Variants in FAM184B observed in about 807,000 individuals in gnomAD.
FAM184B encodes the protein protein FAM184B.
A neutral mutation model predicts 135.9 loss-of-function variants in FAM184B; 111 were observed. That is an observed-to-expected ratio of 0.82 (90% confidence interval 0.70 to 0.96). The LOEUF (loss-of-function observed/expected upper bound fraction) is 0.96, where lower values mean the gene tolerates loss of function less well. Ranked by LOEUF, FAM184B falls within the 40% of genes least tolerant of loss-of-function variation. The probability of loss-of-function intolerance (pLI) is 0.00; values close to 1 mark genes in which losing one functional copy is unlikely to be tolerated. For missense variants in FAM184B, 1,375 were observed against 1,323.9 expected (o/e 1.04, Z -0.60); for synonymous variants, 552 against 524.8 (o/e 1.05, Z -0.71).
chr4:17,735,715 C>T (rs2108980504), intron 1 of FAM184B, among the ~76,000 whole-genome samples: 1 of 151,272 alleles, frequency 6.6e-6, no homozygotes, highest in Admixed American at 6.6e-5. Flanking sequence ...GGTGTTCCGG[C>T]TCCTGAGAGG....
intron 13 of FAM184B, 82 bp downstream of exon 13, chr4:17,641,974 C>G: frequency 6.9e-7 from 1 of 1,448,670 alleles, no homozygotes; most frequent in Non-Finnish European, 9.0e-7. Context: ...GTCTCAGGCT[C>G]AGCCAGCCGC....
intron 1 of FAM184B, among the ~76,000 whole-genome samples, chr4:17,733,110 G>GA (rs1247406851): frequency 6.6e-6 from 1 of 152,056 alleles, no homozygotes; most frequent in Non-Finnish European, 1.5e-5. Flanking sequence ...AATAGATGCA[G>GA]AAAAGGCCTT....
Position 17,694,351 on chromosome 4 carries a change from G to A in FAM184B, c.1378-939C>T, listed in dbSNP as rs532278608. On this transcript the variant is annotated intron_variant, in intron 5 of 17. Coordinates refer to ENST00000265018, the MANE Select transcript of FAM184B (RefSeq NM_015688.2). The stretch of plus-strand genomic sequence containing the variant: ...ATCCTGGCTAACACAGTGAAACCCC[G>A]TCTCCACTAAAAATACAAAAAACTA... Among the ~76,000 whole-genome samples, 15 of 152,134 alleles carry A rather than the reference G, an allele frequency of 9.9e-5. No homozygotes were observed. In the East Asian group the frequency reaches 1.7e-3, roughly 18 times the overall value.
intron 1 of FAM184B, among the ~76,000 whole-genome samples, chr4:17,748,978 C>A (rs915080715): frequency 6.7e-5 from 10 of 149,928 alleles, no homozygotes; most frequent in African/African-American, 2.2e-4. Context: ...AGGTGCTTGC[C>A]AGCACACCCA....
Position 17,713,787 on chromosome 4 carries a change from C to T in FAM184B, c.142-4143G>A, listed in dbSNP as rs1266835374. Among the ~76,000 whole-genome samples the T allele has an allele frequency of 2.0e-5, 3 of 152,226 alleles. 1 individual carries two copies. Among genetic ancestry groups the T allele is most frequent in the South Asian group, 4.1e-4 (2 of 4,832 alleles). On this transcript the variant is annotated intron_variant, in intron 1 of 17. Coordinates refer to ENST00000265018, the MANE Select transcript of FAM184B (RefSeq NM_015688.2). ...TCATTCGCGGATTCACTGCACATCT[C>T]GGATGTGGCAGGCTCTGTGCTGGGC...
chr4:17,708,716 G>A (rs866661672), intron 2 of FAM184B, among the ~76,000 whole-genome samples, 176 bp downstream of exon 2: 7 of 84,982 alleles, frequency 8.2e-5, no homozygotes, highest in African/African-American at 3.2e-4. Context: ...TATAGTGTCT[G>A]TGTGTGTGTG....
At chr4:17,767,560 T>C (rs1284053403) in intron 1 of FAM184B, among the ~76,000 whole-genome samples, 1 of 152,212 alleles carries the variant, frequency 6.6e-6, no homozygotes, top group African/African-American at 2.4e-5. Context: ...ACGTGTGTTT[T>C]AGATTTTCAT....
chr4:17,753,485 C>T (rs1005637866), intron 1 of FAM184B, among the ~76,000 whole-genome samples: 7 of 152,214 alleles, frequency 4.6e-5, no homozygotes, highest in Non-Finnish European at 1.0e-4. Context: ...TTCCCACACA[C>T]TTAAATCAGT....
chr4:17,705,348 A>T lies in FAM184B; in HGVS notation c.1171-142T>A. 4 of 693,504 alleles carry T rather than the reference A, an allele frequency of 5.8e-6. No individual in the cohort carries two copies. The South Asian group carries it at 7.8e-5, about 14-fold the overall frequency. The allele number at this position is 693,504 out of a possible 1,614,324, so 43.0% of individuals were successfully genotyped here. A position where few individuals can be genotyped will look rare whatever the true frequency, so the allele number is the denominator to read the frequency against. ...CACAAGGTGCAATCAATTTTACAAG[A>T]CTATATATTTGATGTTAGTAAAAGT... On this transcript the variant is annotated intron_variant, in intron 4 of 17. Coordinates refer to ENST00000265018, the MANE Select transcript of FAM184B (RefSeq NM_015688.2).
chr4:17,692,347 C>A (rs562991955), intron 6 of FAM184B, among the ~76,000 whole-genome samples: 1 of 152,252 alleles, frequency 6.6e-6, no homozygotes, highest in Non-Finnish European at 1.5e-5. Context: ...TTCACCAAGA[C>A]CCACCTCTAG....
At chr4:17,703,726 A>G (rs1471022644) in intron 5 of FAM184B, among the ~76,000 whole-genome samples, 3 of 152,062 alleles carry the variant, frequency 2.0e-5, no homozygotes, top group African/African-American at 4.8e-5. Flanking sequence ...AGGTCAAGAG[A>G]TCTAGACCAA....
rs373439076 is a variant in FAM184B at position 17,636,588 on chromosome 4, C to G, written c.2724G>C (p.Gln908His). Residue 908 changes from glutamine (Q) to histidine (H), a missense_variant, in exon 15 of 18, where the codon CAG (glutamine) becomes CAC (histidine). Gln to His is a conservative substitution (Grantham distance 24). Coordinates refer to ENST00000265018, the MANE Select transcript of FAM184B (RefSeq NM_015688.2). ...GGCGGGTCTGCAGGCGGCCAATGAG[C>G]TGAAGGTCCTCGGGCCTGGACGCTC... ...GKGASRPEDL[Q>H]LIGRLQTRLK... 2.6e-6 allele frequency: 4 copies of G among 1,551,204 alleles called. No homozygotes were observed. The highest frequency in any genetic ancestry group is 2.6e-6 in the Non-Finnish European group (3 of 1,146,958).
intron 15 of FAM184B, among the ~76,000 whole-genome samples, chr4:17,635,680 A>AC (rs1715103705): frequency 6.6e-6 from 1 of 152,000 alleles, no homozygotes; most frequent in African/African-American, 2.4e-5. Flanking sequence ...TACTTTAAAA[A>AC]AAAAAAAACC....
intron 1 of FAM184B, among the ~76,000 whole-genome samples, chr4:17,720,062 C>A (rs1352774184): frequency 6.6e-6 from 1 of 152,222 alleles, no homozygotes; most frequent in Non-Finnish European, 1.5e-5. Flanking sequence ...CATAGGAATG[C>A]CCCAGAGTGT....
chr4:17,643,308 T>G (rs1715375594), intron 12 of FAM184B, among the ~76,000 whole-genome samples: 1 of 152,162 alleles, frequency 6.6e-6, no homozygotes, highest in Non-Finnish European at 1.5e-5. Flanking sequence ...TTTTGACTCC[T>G]GCTGCCTGGG....
At chr4:17,705,556 G>C (rs1394096846) in intron 4 of FAM184B, among the ~76,000 whole-genome samples, 196 bp downstream of exon 4, 1 of 152,192 alleles carries the variant, frequency 6.6e-6, no homozygotes, top group Non-Finnish European at 1.5e-5. Context: ...GGAGGATTCT[G>C]CTACAGTCTC....
At position 17,781,361 on chromosome 4, in the gene FAM184B, C is replaced by A; in HGVS notation, c.-62G>T. ...TCTCCCTGCCCACCGTGTGCACGTG[C>A]GTGCGCGCGCGGGCGTGCGAGCGTG... On this transcript the variant is annotated 5_prime_UTR_variant, in exon 1 of 18. Transcript: ENST00000265018. The surrounding 1 kb of genome is among the most constrained non-coding windows in gnomAD (Gnocchi z 6.5). 1 of 1,419,110 alleles carries A rather than the reference C, an allele frequency of 7.0e-7. No individual in the cohort carries two copies. Among genetic ancestry groups the A allele is most frequent in the South Asian group, 1.5e-5 (1 of 68,718 alleles). The allele number at this position is 1,419,110 out of a possible 1,614,324, so 87.9% of individuals were successfully genotyped here. A position where few individuals can be genotyped will look rare whatever the true frequency, so the allele number is the denominator to read the frequency against.
At chr4:17,708,751 G>T in intron 2 of FAM184B, 141 bp downstream of exon 2, 1 of 494,470 alleles carries the variant, frequency 2.0e-6, no homozygotes, top group Admixed American at 4.5e-5. Flanking sequence ...TGTAATGAAT[G>T]TAGGTGAATT....
At chr4:17,713,002 C>T (rs1409435461) in intron 1 of FAM184B, among the ~76,000 whole-genome samples, 3 of 152,080 alleles carry the variant, frequency 2.0e-5, no homozygotes, top group Non-Finnish European at 2.9e-5. Flanking sequence ...AAAGAGTGAA[C>T]GTATAACCAC....
Sources: gnomAD v4.1 joint callset for allele counts (sites outside exome capture counted in the v4.1 genomes callset) on GRCh38, gnomAD v4.1.1 for gene constraint, Gnocchi (gnomAD v3.1) non-coding constraint, MANE v1.5 for transcripts, NCBI Gene and HGNC (gene_info 2026-07-23, HGNC 2026-07-21) for gene names.